CPEB1: variants seen among roughly 807,000 people sequenced by gnomAD.
CPEB1 encodes the protein cytoplasmic polyadenylation element-binding protein 1.
CPEB1 carries 7 observed loss-of-function variants against 65.8 expected under a neutral mutation model. The observed-to-expected ratio is 0.11, with a 90% confidence interval of 0.06 to 0.20. The LOEUF (loss-of-function observed/expected upper bound fraction) is 0.20. Ranked by LOEUF, CPEB1 falls within the 10% of genes least tolerant of loss-of-function variation. The pLI is 1.00. For synonymous variants in CPEB1, 262 were observed against 260.0 expected, an observed-to-expected ratio of 1.01 and a Z score of -0.08; for missense variants, 551 against 712.2, an observed-to-expected ratio of 0.77 and a Z score of 2.58.
intron 3 of CPEB1, among the ~76,000 whole-genome samples, chr15:82,616,168 C>A (rs1231201963): frequency 6.6e-6 from 1 of 151,852 alleles, no homozygotes; most frequent in African/African-American, 2.4e-5. Context: ...CATGAGGGGT[C>A]TTCTTAGTTG....
At chr15:82,632,273 C>T (rs925816883) in intron 1 of CPEB1, among the ~76,000 whole-genome samples, 2 of 152,050 alleles carry the variant, frequency 1.3e-5, no homozygotes, top group African/African-American at 2.4e-5. Flanking sequence ...TGAGCCACTG[C>T]GCCCAGCCAA....
At chr15:82,556,185 A>G (rs1188666152) in intron 5 of CPEB1, 63 bp from the exon 6 acceptor site, 13 of 1,446,964 alleles carry the variant, frequency 9.0e-6, no homozygotes, top group Non-Finnish European at 7.3e-6. Context: ...TAATAATCAC[A>G]TTATAGAAAT....
intron 4 of CPEB1, among the ~76,000 whole-genome samples, chr15:82,570,472 C>T (rs2039854117): frequency 6.8e-6 from 1 of 146,074 alleles, no homozygotes; most frequent in African/African-American, 2.5e-5. Flanking sequence ...AAATATGTAG[C>T]TTGTAAGTAT....
chr15:82,558,149 G>A (rs1235277742), intron 4 of CPEB1, among the ~76,000 whole-genome samples, 163 bp from the exon 5 acceptor site: 1 of 152,220 alleles, frequency 6.6e-6, no homozygotes, highest in Non-Finnish European at 1.5e-5. Flanking sequence ...CCAGCTCTGA[G>A]ACCTGGCCGC....
chr15:82,624,732 G>A (rs989625077), intron 3 of CPEB1, among the ~76,000 whole-genome samples: 1 of 152,058 alleles, frequency 6.6e-6, no homozygotes, highest in Admixed American at 6.6e-5. Flanking sequence ...CCAACACCTA[G>A]TATTAGCTGA....
At chr15:82,548,506 T>C (rs906410603) in intron 10 of CPEB1, 2 of 266,254 alleles carry the variant, frequency 7.5e-6, no homozygotes, top group South Asian at 3.4e-5. Context: ...GGGGAAGAAT[T>C]TGCAGATCAA....
At chr15:82,625,478 T>C (rs2151310105) in intron 3 of CPEB1, among the ~76,000 whole-genome samples, 1 of 152,312 alleles carries the variant, frequency 6.6e-6, no homozygotes, top group Middle Eastern at 3.4e-3. Flanking sequence ...AATAAAAGAA[T>C]TTACAACTAA....
At chr15:82,641,354 G>C (rs547664739) in intron 1 of CPEB1, among the ~76,000 whole-genome samples, 1 of 152,176 alleles carries the variant, frequency 6.6e-6, no homozygotes, top group Non-Finnish European at 1.5e-5. Flanking sequence ...GAGCACAGGT[G>C]TTAAGTAGTA....
Position 82,627,385 on chromosome 15 carries a change from A to C in CPEB1, c.97-18T>G. 1 of 1,593,788 alleles carries C rather than the reference A, an allele frequency of 6.3e-7. No homozygotes were observed. Among genetic ancestry groups the C allele is most frequent in the South Asian group, 1.1e-5 (1 of 87,496 alleles). On this transcript the variant is annotated intron_variant, in intron 2 of 12. Coordinates refer to ENST00000684509, the MANE Select transcript of CPEB1 (RefSeq NM_001365242.1). ...TCTTCTTCCTAGACACAGAAAAAAA[A>C]AGATATTTAGGTTTTCTACACTCCT...
intron 4 of CPEB1, among the ~76,000 whole-genome samples, chr15:82,558,734 C>T (rs534508121): frequency 2.0e-5 from 3 of 152,164 alleles, no homozygotes; most frequent in Non-Finnish European, 4.4e-5. Context: ...ATTGTTAGGA[C>T]AGCTCAATAA....
chr15:82,629,379 T>A (rs1219874265), intron 1 of CPEB1: 1 of 985,390 alleles, frequency 1.0e-6, no homozygotes, highest in Non-Finnish European at 1.2e-6. Flanking sequence ...GTGGTCATTA[T>A]TAGTACATAC....
At chr15:82,598,159 G>T (rs2042806159) in intron 3 of CPEB1, among the ~76,000 whole-genome samples, 2 of 152,198 alleles carry the variant, frequency 1.3e-5, no homozygotes, top group Non-Finnish European at 2.9e-5. Flanking sequence ...TTGCACACAA[G>T]ATTTCTCAGG....
At position 82,613,976 on chromosome 15, in the gene CPEB1, G is replaced by A. The variant is rs191870216; in HGVS notation, c.271+13217C>T. On this transcript the variant is annotated intron_variant, in intron 3 of 12. Transcript: ENST00000684509. ...GCCTCGCTGCTTCTGAGTCCCTGCC[G>A]GCAAGCCTCCGCCAAGCAGTGGCCT... 7.5e-3 allele frequency among the ~76,000 whole-genome samples: 1,131 copies of A among 151,806 alleles called. 12 individuals carry two copies. Among genetic ancestry groups the A allele is most frequent in the Non-Finnish European group, 8.4e-3 (571 of 67,836 alleles).
intron 3 of CPEB1, among the ~76,000 whole-genome samples, chr15:82,590,209 C>CAAAA (rs5814120): frequency 7.6e-4 from 79 of 104,116 alleles, no homozygotes; most frequent in South Asian, 1.7e-3. Flanking sequence ...ATCCCTTTGA[C>CAAAA]AAAAAAAAAA....
At chr15:82,619,800 C>A (rs1487600660) in intron 3 of CPEB1, among the ~76,000 whole-genome samples, 1 of 152,056 alleles carries the variant, frequency 6.6e-6, no homozygotes, top group Non-Finnish European at 1.5e-5. Flanking sequence ...GGATATGAAA[C>A]AACCCAAACC....
intron 12 of CPEB1, among the ~76,000 whole-genome samples, 179 bp from the exon 13 acceptor site, chr15:82,544,881 T>C (rs2034887253): frequency 6.6e-6 from 1 of 152,128 alleles, no homozygotes. Context: ...TGATTAACTA[T>C]GGCAAACCCA....
At chr15:82,567,384 AT>A (rs2039311162) in intron 4 of CPEB1, among the ~76,000 whole-genome samples, 1 of 152,064 alleles carries the variant, frequency 6.6e-6, no homozygotes, top group South Asian at 2.1e-4. Context: ...CACATCTGTA[AT>A]CCCAGCATTT....
At chr15:82,610,981 A>AAAAAAG (rs1555459238) in intron 3 of CPEB1, among the ~76,000 whole-genome samples, 29 of 135,220 alleles carry the variant, frequency 2.1e-4, no homozygotes, top group South Asian at 6.7e-4. Flanking sequence ...AAAAAAAAAA[A>AAAAAAG]AAAAAAAGAA....
At chr15:82,622,160 G>T (rs916881760) in intron 3 of CPEB1, among the ~76,000 whole-genome samples, 3 of 152,098 alleles carry the variant, frequency 2.0e-5, no homozygotes, top group East Asian at 1.9e-4. Context: ...GGAATGTGGA[G>T]AGGGCCCTCT....
Sources: gnomAD v4.1 joint callset for allele counts (sites outside exome capture counted in the v4.1 genomes callset) on GRCh38, gnomAD v4.1.1 for gene constraint, MANE v1.5 for transcripts, NCBI Gene and HGNC (gene_info 2026-07-23, HGNC 2026-07-21) for gene names.